The following CNTNAP4 variants were observed in gnomAD, a reference collection of about 807,000 sequenced individuals.
CNTNAP4 encodes contactin-associated protein-like 4.
CNTNAP4 carries 98 observed loss-of-function variants against 148.4 expected under a neutral mutation model. The observed-to-expected ratio is 0.66, with a 90% CI of 0.56 to 0.78. The LOEUF is 0.78. Ranked by LOEUF, CNTNAP4 falls within the 30% of genes least tolerant of loss-of-function variation. The pLI, the probability that CNTNAP4 is intolerant of heterozygous loss-of-function variation, is 0.00. For synonymous variants in CNTNAP4, 730 were observed against 565.1 expected, an observed-to-expected ratio of 1.29 and a Z score of -4.14; for missense variants, 1,935 against 1,565.6, an observed-to-expected ratio of 1.24 and a Z score of -3.98.
intron 1 of CNTNAP4, among the ~76,000 whole-genome samples, chr16:76,302,474 C>T (rs1960076208): frequency 6.6e-6 from 1 of 152,068 alleles, no homozygotes; most frequent in South Asian, 2.1e-4. Context: ...GTGACCCTTT[C>T]TATAACACGG....
At chr16:76,557,815 T>C (rs977958480) in intron 23 of CNTNAP4, 11 of 152,182 alleles carry the variant, frequency 7.2e-5, no homozygotes, top group African/African-American at 2.7e-4. Flanking sequence ...CCCTGTGCCC[T>C]CTCAAAGTGT....
intron 18 of CNTNAP4, 87 bp downstream of exon 18, chr16:76,535,871 AAC>A: frequency 7.0e-7 from 1 of 1,433,096 alleles, no homozygotes; most frequent in African/African-American, 1.4e-5. Flanking sequence ...AGCTATTTGA[AAC>A]AAAAAAAATT....
At chr16:76,374,278 A>G (rs974795774) in intron 3 of CNTNAP4, among the ~76,000 whole-genome samples, 27 of 152,186 alleles carry the variant, frequency 1.8e-4, no homozygotes, top group African/African-American at 6.5e-4. Flanking sequence ...GGGCTAGAGA[A>G]TATCAGTTTC....
intron 1 of CNTNAP4, among the ~76,000 whole-genome samples, chr16:76,293,332 C>G (rs1008172536): frequency 6.6e-6 from 1 of 152,042 alleles, no homozygotes; most frequent in African/African-American, 2.4e-5. Context: ...ACCATGTTGG[C>G]CAGGATGGTC....
intron 2 of CNTNAP4, among the ~76,000 whole-genome samples, chr16:76,343,013 A>G (rs1964608645): frequency 6.6e-6 from 1 of 152,278 alleles, no homozygotes; most frequent in South Asian, 2.1e-4. Flanking sequence ...CTCTGTGGTA[A>G]CAGCGTTCAG....
chr16:76,551,776 A>T lies in CNTNAP4; in HGVS notation c.3443-1507A>T, dbSNP rs112320324. 8.9e-3 allele frequency among the ~76,000 whole-genome samples: 1,357 copies of T among 152,332 alleles called. 8 individuals are homozygous for T. Among genetic ancestry groups the T allele is most frequent in the Non-Finnish European group, 0.014 (977 of 68,022 alleles). ...TAATATACACTCATATATACTTAAT[A>T]TCCATTGCATTGTTTTTACTTTTAA... is the stretch of plus-strand genomic sequence containing the variant. On this transcript the variant is annotated intron_variant, in intron 21 of 23. Coordinates refer to ENST00000611870, the MANE Select transcript of CNTNAP4 (RefSeq NM_033401.5).
At chr16:76,540,111 A>G (rs772336780) in intron 20 of CNTNAP4, among the ~76,000 whole-genome samples, 10 of 151,966 alleles carry the variant, frequency 6.6e-5, no homozygotes, top group Non-Finnish European at 1.2e-4. Context: ...ATAGTGTGCT[A>G]CTGGTAGGAC....
intron 3 of CNTNAP4, among the ~76,000 whole-genome samples, chr16:76,391,296 G>A (rs535620891): frequency 6.1e-4 from 93 of 152,204 alleles, no homozygotes; most frequent in African/African-American, 2.2e-3. Context: ...TCAAATGTTC[G>A]CATTTGACGT....
chr16:76,518,831 T>A (rs1253768444), intron 15 of CNTNAP4, among the ~76,000 whole-genome samples: 2 of 152,174 alleles, frequency 1.3e-5, no homozygotes, highest in African/African-American at 4.8e-5. Context: ...CATTGCCCAA[T>A]CTCTCTTCCT....
chr16:76,316,290 T>C, intron 1 of CNTNAP4, 123 bp from the exon 2 acceptor site: 3 of 730,910 alleles, frequency 4.1e-6, no homozygotes, highest in Non-Finnish European at 7.5e-6. Flanking sequence ...AGTAGGCATA[T>C]TTTTAGAGAT....
At chr16:76,434,023 G>A (rs114307828) in intron 4 of CNTNAP4, among the ~76,000 whole-genome samples, 3,522 of 150,796 alleles carry the variant, frequency 0.023, 62 homozygotes, top group African/African-American at 0.049. Context: ...ATATATATGT[G>A]TGTGTGTGTT....
intron 3 of CNTNAP4, among the ~76,000 whole-genome samples, chr16:76,393,655 G>C (rs1200258018): frequency 6.6e-6 from 1 of 151,830 alleles, no homozygotes; most frequent in African/African-American, 2.4e-5. Context: ...TGGGGGGTGG[G>C]TGAGAGGAGG....
At chr16:76,331,280 C>T (rs551878850) in intron 2 of CNTNAP4, among the ~76,000 whole-genome samples, 40 of 152,022 alleles carry the variant, frequency 2.6e-4, no homozygotes, top group East Asian at 1.9e-3. Context: ...CTCCGCCTCC[C>T]GGGTTCACAC....
chr16:76,301,357 T>A (rs1035102422), intron 1 of CNTNAP4, among the ~76,000 whole-genome samples: 1 of 152,188 alleles, frequency 6.6e-6, no homozygotes, highest in African/African-American at 2.4e-5. Context: ...ATAATTTTTT[T>A]AAAAACTGTG....
At chr16:76,406,355 C>T (rs563372875) in intron 3 of CNTNAP4, among the ~76,000 whole-genome samples, 5 of 152,212 alleles carry the variant, frequency 3.3e-5, no homozygotes, top group African/African-American at 1.2e-4. Flanking sequence ...CCGCATCTCT[C>T]TCTCTCTCCT....
At chr16:76,328,467 C>G (rs7204596) in intron 2 of CNTNAP4, among the ~76,000 whole-genome samples, 1,757 of 152,286 alleles carry the variant, frequency 0.012, 28 homozygotes, top group African/African-American at 0.04. Context: ...TAACATGATT[C>G]ACATGACTAA....
intron 10 of CNTNAP4, among the ~76,000 whole-genome samples, chr16:76,471,347 T>G (rs532571005): frequency 6.6e-6 from 1 of 152,252 alleles, no homozygotes; most frequent in Non-Finnish European, 1.5e-5. Context: ...CGTAAAACAC[T>G]TATTAAAGGA....
intron 12 of CNTNAP4, among the ~76,000 whole-genome samples, chr16:76,485,911 A>G (rs1348353515): frequency 6.6e-6 from 1 of 152,168 alleles, no homozygotes; most frequent in Non-Finnish European, 1.5e-5. Flanking sequence ...GCTTTCCTTA[A>G]GACAGCACTT....
intron 2 of CNTNAP4, among the ~76,000 whole-genome samples, chr16:76,352,412 C>T (rs563143923): frequency 2.0e-5 from 3 of 152,236 alleles, no homozygotes; most frequent in African/African-American, 7.2e-5. Flanking sequence ...TCCTGAGCTT[C>T]CCTGATCTCC....
Sources: gnomAD v4.1 joint callset for allele counts (sites outside exome capture counted in the v4.1 genomes callset) on GRCh38, gnomAD v4.1.1 for gene constraint, MANE v1.5 for transcripts, NCBI Gene and HGNC (gene_info 2026-07-23, HGNC 2026-07-21) for gene names.